Variants in LRP1B observed in about 807,000 individuals in gnomAD.
LRP1B encodes the protein low-density lipoprotein receptor-related protein 1B.
LRP1B carries 217 observed loss-of-function variants against 556.6 expected under a neutral mutation model. The ratio of observed to expected loss-of-function variants is 0.39; its 90% CI spans 0.35 to 0.44. The LOEUF (loss-of-function observed/expected upper bound fraction) is 0.44, where lower values mean the gene tolerates loss of function less well. Ranked by LOEUF, LRP1B falls within the 20% of genes least tolerant of loss-of-function variation. The pLI, the probability that LRP1B is intolerant of heterozygous loss-of-function variation, is 1.00. For synonymous variants in LRP1B, 2,047 were observed against 1,865.8 expected (o/e 1.10, Z -2.50); for missense variants, 5,053 against 5,620.8 (o/e 0.90, Z 3.23).
chr2:142,005,909 G>T (rs1230486206), intron 1 of LRP1B, among the ~76,000 whole-genome samples: 1 of 141,602 alleles, frequency 7.1e-6, no homozygotes, highest in Non-Finnish European at 1.5e-5. Flanking sequence ...AAAAAAAAAA[G>T]AAAAAAAACT....
intron 35 of LRP1B, among the ~76,000 whole-genome samples, chr2:140,731,826 T>G (rs1687791634): frequency 6.6e-6 from 1 of 151,078 alleles, no homozygotes; most frequent in Non-Finnish European, 1.5e-5. Context: ...AAACTATGTA[T>G]TTCCTCCTAT....
At chr2:141,367,471 CTTTTTTTTTTTT>C (rs1169568111) in intron 3 of LRP1B, among the ~76,000 whole-genome samples, 134 of 44,948 alleles carry the variant, frequency 3.0e-3, no homozygotes, top group African/African-American at 0.012. Context: ...ATTTGAAATG[CTTTTTTTTTTTT>C]TTTTTTTTTT....
chr2:141,154,168 A>T (rs1702009828), intron 7 of LRP1B, among the ~76,000 whole-genome samples: 1 of 151,886 alleles, frequency 6.6e-6, no homozygotes, highest in African/African-American at 2.4e-5. Context: ...AAAAGACTAT[A>T]GTTTAAAGAA....
chr2:141,402,826 C>A (rs576586829), intron 3 of LRP1B, among the ~76,000 whole-genome samples: 2 of 151,904 alleles, frequency 1.3e-5, no homozygotes, highest in African/African-American at 2.4e-5. Context: ...TACAGAAAAT[C>A]AAAATTTTTG....
Position 140,560,873 on chromosome 2 carries a change from C to T in LRP1B, c.7195-18902G>A, listed in dbSNP as rs145129741. Among the ~76,000 whole-genome samples, 328 of 152,228 alleles carry T rather than the reference C, an allele frequency of 2.2e-3. 1 individual carries two copies. Among genetic ancestry groups the T allele is most frequent in the African/African-American group, 7.5e-3 (312 of 41,558 alleles). On this transcript the variant is annotated intron_variant, in intron 43 of 90. Transcript: ENST00000389484. ...AAGGCAATTACATGAGGAAAAGGTGCTCTTCAATAAATGAAGTTGGAACAA... is the reference window on the plus strand; with the variant it reads ...AAGGCAATTACATGAGGAAAAGGTGTTCTTCAATAAATGAAGTTGGAACAA...
intron 3 of LRP1B, among the ~76,000 whole-genome samples, chr2:141,416,218 G>C (rs906998947): frequency 6.6e-6 from 1 of 152,168 alleles, no homozygotes; most frequent in Non-Finnish European, 1.5e-5. Context: ...CGACAGAGTA[G>C]AGCAGTTAAG....
intron 3 of LRP1B, among the ~76,000 whole-genome samples, chr2:141,390,949 T>A (rs1318597019): frequency 2.0e-5 from 3 of 152,100 alleles, no homozygotes; most frequent in Non-Finnish European, 2.9e-5. Context: ...TGACATCACA[T>A]CTGAGCAGAA....
At chr2:141,269,845 C>A (rs1173970142) in intron 3 of LRP1B, among the ~76,000 whole-genome samples, 1 of 152,068 alleles carries the variant, frequency 6.6e-6, no homozygotes, top group African/African-American at 2.4e-5. Context: ...CAGACAAAGA[C>A]TTCAAATCAG....
At chr2:141,798,636 G>A (rs778404911) in intron 2 of LRP1B, among the ~76,000 whole-genome samples, 7 of 145,888 alleles carry the variant, frequency 4.8e-5, no homozygotes, top group Non-Finnish European at 1.0e-4. Flanking sequence ...GAACACGGGA[G>A]GTAGACATTG....
At position 140,398,717 on chromosome 2, in the gene LRP1B, T is replaced by C. The variant is rs1242197418; in HGVS notation, c.10415-12708A>G. Reference sequence around the variant, plus strand: ...AAGAATCAGAATTCTTATGTAATTATATTTGTCTTTGAACACGAAAACTGT... The same window carrying C: ...AAGAATCAGAATTCTTATGTAATTACATTTGTCTTTGAACACGAAAACTGT... On this transcript the variant is annotated intron_variant, in intron 66 of 90. Transcript: ENST00000389484. Among the ~76,000 whole-genome samples, 4 of 152,166 alleles carry C rather than the reference T, an allele frequency of 2.6e-5. No individual in the cohort carries two copies. The East Asian group carries it at 5.8e-4, about 22-fold the overall frequency.
chr2:140,765,734 G>A (rs1689080105), intron 35 of LRP1B, among the ~76,000 whole-genome samples: 1 of 152,060 alleles, frequency 6.6e-6, no homozygotes, highest in South Asian at 2.1e-4. Flanking sequence ...AACCCAGAAA[G>A]ATTCAGATCT....
At chr2:140,818,936 C>CA (rs543167243) in intron 31 of LRP1B, among the ~76,000 whole-genome samples, 3,009 of 102,710 alleles carry the variant, frequency 0.029, 157 homozygotes, top group African/African-American at 0.12. Context: ...GACTCTGTCT[C>CA]AAAAAAAAAA....
In LRP1B at chr2:142,029,684, CA is replaced by C. The variant is rs1374663017; in HGVS notation, c.82+100963del. Among the ~76,000 whole-genome samples, 8 of 151,796 alleles carry C rather than the reference CA, an allele frequency of 5.3e-5. No individual in the cohort carries two copies. In the Admixed American group the frequency reaches 5.3e-4, roughly 10 times the overall value. On this transcript the variant is annotated intron_variant, in intron 1 of 90. Transcript: ENST00000389484. ...TCTCATTTTTAAAACTCTCATCCCT[CA>C]ACTTCTTTCAAGCTTGTTTGTGCCT...
chr2:141,507,749 C>T (rs1323308058), intron 2 of LRP1B, among the ~76,000 whole-genome samples: 1 of 151,772 alleles, frequency 6.6e-6, no homozygotes, highest in East Asian at 1.9e-4. Context: ...ACATTCAGTG[C>T]CCTTAGGAAA....
At chr2:141,778,615 C>T (rs762999925) in intron 2 of LRP1B, among the ~76,000 whole-genome samples, 19 of 152,166 alleles carry the variant, frequency 1.2e-4, no homozygotes, top group Non-Finnish European at 1.8e-4. Context: ...GCATTTTCCA[C>T]CATGGTGTGT....
Position 141,706,698 on chromosome 2 carries a change from T to C in LRP1B, c.205+103581A>G, listed in dbSNP as rs140597298. 3.8e-3 allele frequency among the ~76,000 whole-genome samples: 575 copies of C among 152,274 alleles called. 2 individuals are homozygous for C. Among genetic ancestry groups the C allele is most frequent in the Non-Finnish European group, 5.9e-3 (401 of 68,006 alleles). Reference sequence around the variant, plus strand: ...AGAACACACAAATGTGATATTTTAATTCTTCGATATTCTCTCTTAATATCT... The same window carrying C: ...AGAACACACAAATGTGATATTTTAACTCTTCGATATTCTCTCTTAATATCT... On this transcript the variant is annotated intron_variant, in intron 2 of 90. Transcript: ENST00000389484.
chr2:140,876,028 T>C (rs1693293733), intron 25 of LRP1B, among the ~76,000 whole-genome samples: 1 of 152,128 alleles, frequency 6.6e-6, no homozygotes, highest in Admixed American at 6.6e-5. Context: ...TAATCAGCTA[T>C]AAAACTCTAA....
intron 29 of LRP1B, among the ~76,000 whole-genome samples, chr2:140,846,382 A>G (rs1692274772): frequency 6.6e-6 from 1 of 152,064 alleles, no homozygotes; most frequent in African/African-American, 2.4e-5. Context: ...AGCCTGAACC[A>G]AGGAGCTAGT....
At position 141,343,850 on chromosome 2, in the gene LRP1B, A is replaced by G. The variant is rs139238974; in HGVS notation, c.344-89209T>C. ...GAAGAAAATGTTCTGCAGATCTCCA[A>G]AGTTCTTTTTGGTTCCTTCCTCTTG... On this transcript the variant is annotated intron_variant, in intron 3 of 90. Transcript: ENST00000389484. Among the ~76,000 whole-genome samples the G allele has an allele frequency of 4.5e-3, 690 of 152,228 alleles. 7 individuals are homozygous for G. The highest frequency in any genetic ancestry group is 0.014 in the South Asian group (66 of 4,826).
Sources: gnomAD v4.1 joint callset for allele counts (sites outside exome capture counted in the v4.1 genomes callset) on GRCh38, gnomAD v4.1.1 for gene constraint, MANE v1.5 for transcripts, NCBI Gene and HGNC (gene_info 2026-07-23, HGNC 2026-07-21) for gene names.